Variants in ABCB11 observed in about 807,000 individuals in gnomAD.
ABCB11 encodes the protein ATP binding cassette subfamily B member 11.
A neutral mutation model predicts 148.0 loss-of-function variants in ABCB11; 95 were observed. That is an observed-to-expected ratio of 0.64 (90% CI 0.54 to 0.76). The LOEUF (loss-of-function observed/expected upper bound fraction) is 0.76, where lower values mean the gene tolerates loss of function less well. ABCB11 is among the 30% of genes least tolerant of loss of function. ABCB11 has a pLI of 0.00. For missense variants in ABCB11, 1,523 were observed against 1,617.8 expected (o/e 0.94, Z 1.01); for synonymous variants, 591 against 555.4 (o/e 1.06, Z -0.90).
At position 168,943,393 on chromosome 2, in the gene ABCB11, T is replaced by C. The variant is rs555671012; in HGVS notation, c.2610+1212A>G. Among the ~76,000 whole-genome samples, 14 of 152,024 alleles carry C rather than the reference T, an allele frequency of 9.2e-5. No homozygotes were observed. In the East Asian group the frequency reaches 2.5e-3, roughly 27 times the overall value. On this transcript the variant is annotated intron_variant, in intron 21 of 27. Transcript: ENST00000650372. ...AATCAAGGATGTGGCAAGCTCGATA[T>C]AAAATGATATAAATTGCTTATAAGG...
chr2:169,029,546 G>T (rs886449731), intron 1 of ABCB11, among the ~76,000 whole-genome samples: 1 of 152,032 alleles, frequency 6.6e-6, no homozygotes, highest in African/African-American at 2.4e-5. Flanking sequence ...AGCCCTGAGG[G>T]CTATGGCTGA....
intron 18 of ABCB11, among the ~76,000 whole-genome samples, chr2:168,961,900 T>C (rs1559205108): frequency 2.0e-5 from 3 of 151,680 alleles, no homozygotes; most frequent in Non-Finnish European, 4.4e-5. Context: ...AAAGTAAGGT[T>C]AGGCCTTTTC....
At chr2:168,957,700 T>C (rs1259085908) in intron 19 of ABCB11, among the ~76,000 whole-genome samples, 3 of 151,650 alleles carry the variant, frequency 2.0e-5, no homozygotes, top group Non-Finnish European at 3.0e-5. Context: ...TGCCCACTTC[T>C]AACACAAAAT....
intron 7 of ABCB11, among the ~76,000 whole-genome samples, chr2:168,994,789 C>G (rs1226323844): frequency 1.3e-5 from 2 of 151,942 alleles, no homozygotes; most frequent in Non-Finnish European, 2.9e-5. Flanking sequence ...AACTAAACAG[C>G]AAGAAAGAAC....
In ABCB11 at chr2:168,940,525, C is replaced by T. The variant is rs182900844; in HGVS notation, c.2610+4080G>A. Among the ~76,000 whole-genome samples, 4 of 152,024 alleles carry T rather than the reference C, an allele frequency of 2.6e-5. No homozygotes were observed. The East Asian group carries it at 7.8e-4, about 29-fold the overall frequency. ...TGAGGAAGCTTTGGGAGAAAAGTTG[C>T]TTTATGAGGTTTAAGGAAAAAAGCA... On this transcript the variant is annotated intron_variant, in intron 21 of 27. Transcript: ENST00000650372.
At chr2:168,947,082 T>C in intron 19 of ABCB11, among the ~76,000 whole-genome samples, 1 of 151,814 alleles carries the variant, frequency 6.6e-6, no homozygotes, top group Non-Finnish European at 1.5e-5. Context: ...GGCACACATC[T>C]TTGCTATTTT....
In ABCB11 at chr2:168,969,344, A is replaced by G. The variant is rs745457711; in HGVS notation, c.2011+6T>C. The G allele has an allele frequency of 6.2e-7, 1 of 1,609,666 alleles. No homozygotes were observed. Among genetic ancestry groups the G allele is most frequent in the Non-Finnish European group, 8.5e-7 (1 of 1,177,480 alleles). On this transcript the variant is annotated splice_donor_region_variant and intron_variant, in intron 16 of 27. Transcript: ENST00000650372. ...TAACATACAAGTATAGGGAAAAAGC[A>G]CTTGCCCTTTATGTCCTCTTCATTA...
intron 9 of ABCB11, among the ~76,000 whole-genome samples, chr2:168,988,203 A>G (rs750805787): frequency 2.6e-5 from 4 of 152,086 alleles, no homozygotes; most frequent in Non-Finnish European, 4.4e-5. Context: ...ATTATTTTTA[A>G]AATATCTCAA....
chr2:168,919,302 A>T (rs1691009402), downstream of ABCB11, among the ~76,000 whole-genome samples: 1 of 152,148 alleles, frequency 6.6e-6, no homozygotes, highest in South Asian at 2.1e-4. Flanking sequence ...CCTAGAGCTA[A>T]TAGCTAAAAA....
At chr2:168,941,016 C>T (rs2685807) in intron 21 of ABCB11, among the ~76,000 whole-genome samples, 78,866 of 151,810 alleles carry the variant, frequency 0.52, 21,105 homozygotes, top group South Asian at 0.69. Flanking sequence ...TCATTGACAA[C>T]GCACCTAGTC....
chr2:168,955,076 T>G (rs556154470), intron 19 of ABCB11, among the ~76,000 whole-genome samples: 1 of 151,684 alleles, frequency 6.6e-6, no homozygotes, highest in African/African-American at 2.4e-5. Flanking sequence ...CTTCAATGAA[T>G]TTTTGAGTTC....
chr2:168,987,130 A>G (rs934828766), intron 9 of ABCB11, among the ~76,000 whole-genome samples: 22 of 152,182 alleles, frequency 1.4e-4, no homozygotes, highest in African/African-American at 5.1e-4. Flanking sequence ...AACCAAAAGA[A>G]GTGGGGAAAA....
At chr2:168,944,133 T>C (rs925572907) in intron 21 of ABCB11, among the ~76,000 whole-genome samples, 1 of 151,998 alleles carries the variant, frequency 6.6e-6, no homozygotes, top group African/African-American at 2.4e-5. Context: ...TTCAAGATTC[T>C]AGATAAAAAT....
intron 5 of ABCB11, among the ~76,000 whole-genome samples, chr2:169,005,910 A>G (rs1044116206): frequency 6.6e-6 from 1 of 152,210 alleles, no homozygotes; most frequent in African/African-American, 2.4e-5. Context: ...TGAATCAGCA[A>G]TCAAAAACTT....
intron 19 of ABCB11, among the ~76,000 whole-genome samples, chr2:168,949,203 T>C (rs1052289797): frequency 2.6e-5 from 4 of 151,662 alleles, no homozygotes; most frequent in Non-Finnish European, 5.9e-5. Flanking sequence ...ACTGCTTTTT[T>C]AAAATTAACT....
chr2:168,968,337 G>T, intron 17 of ABCB11, 90 bp downstream of exon 17: 1 of 1,236,452 alleles, frequency 8.1e-7, no homozygotes, highest in Non-Finnish European at 1.2e-6. Flanking sequence ...TTTCCTTGTT[G>T]TACCTGAGAT....
chr2:168,996,526 T>C, intron 6 of ABCB11, 109 bp downstream of exon 6: 1 of 521,776 alleles, frequency 1.9e-6, no homozygotes, highest in Non-Finnish European at 3.2e-6. Flanking sequence ...AAACAGACTG[T>C]AGTTCTTAGG....
Position 168,921,541 on chromosome 2 carries a change from T to C in ABCB11, c.*2081A>G, listed in dbSNP as rs1419626584. Among the ~76,000 whole-genome samples, 1 of 152,220 alleles carries C rather than the reference T, an allele frequency of 6.6e-6. No individual in the cohort carries two copies. The highest frequency in any genetic ancestry group is 2.4e-5 in the African/African-American group (1 of 41,458). ...GTTTTTATTTAAATAGATGGAAATA[T>C]GTTCTCTTGACCCATTGAACACATT... On this transcript the variant is annotated 3_prime_UTR_variant, in exon 28 of 28. Transcript: ENST00000650372.
chr2:168,990,362 T>C (rs1694470534), intron 9 of ABCB11, among the ~76,000 whole-genome samples: 2 of 152,110 alleles, frequency 1.3e-5, no homozygotes, highest in South Asian at 2.1e-4. Flanking sequence ...TTATAGGAAT[T>C]TATCCATTTC....
Sources: allele counts gnomAD v4.1 joint callset (sites outside exome capture counted in the v4.1 genomes callset), GRCh38; gene constraint gnomAD v4.1.1; transcripts MANE v1.5; gene names NCBI Gene and HGNC (gene_info 2026-07-23, HGNC 2026-07-21).